Variants in SPOCK3 observed in about 807,000 individuals in gnomAD.
SPOCK3 encodes the protein testican-3.
A neutral mutation model predicts 56.6 loss-of-function variants in SPOCK3; 30 were observed. The ratio of observed to expected loss-of-function variants is 0.53; its 90% CI spans 0.40 to 0.72. The LOEUF (loss-of-function observed/expected upper bound fraction) is 0.72, where lower values mean the gene tolerates loss of function less well. Ranked by LOEUF, SPOCK3 falls within the 30% of genes least tolerant of loss-of-function variation. The probability of loss-of-function intolerance (pLI) is 0.00; values close to 1 mark genes in which losing one functional copy is unlikely to be tolerated. For synonymous variants in SPOCK3, 196 were observed against 183.3 expected (o/e 1.07, Z -0.56); for missense variants, 527 against 530.0 (o/e 0.99, Z 0.06).
chr4:167,116,552 A>G (rs1028482024), intron 2 of SPOCK3, among the ~76,000 whole-genome samples: 2 of 122,710 alleles, frequency 1.6e-5, no homozygotes, highest in Non-Finnish European at 3.4e-5. Context: ...AAGTATATAT[A>G]TGAGTATATA....
chr4:166,888,832 A>G (rs1214760589), intron 6 of SPOCK3, among the ~76,000 whole-genome samples: 1 of 151,990 alleles, frequency 6.6e-6, no homozygotes, highest in Non-Finnish European at 1.5e-5. Flanking sequence ...ATGATATAAA[A>G]CACATGTTTT....
rs1425550941 is a variant in SPOCK3 at position 166,785,572 on chromosome 4, TA to T, written c.709+6597del. 2.0e-5 allele frequency among the ~76,000 whole-genome samples: 3 copies of T among 152,334 alleles called. No homozygotes were observed. In the East Asian group the frequency reaches 5.8e-4, roughly 29 times the overall value. ...CTACTAAAAAGACTATATATTTCAT[TA>T]TATTTTAAATGTTAACTAATGCAAA... On this transcript the variant is annotated intron_variant, in intron 7 of 10. Coordinates refer to ENST00000357545, the MANE Select transcript of SPOCK3 (RefSeq NM_001040159.2).
chr4:166,940,805 C>G (rs1179028062), intron 4 of SPOCK3, among the ~76,000 whole-genome samples: 1 of 143,230 alleles, frequency 7.0e-6, no homozygotes, highest in African/African-American at 2.6e-5. Context: ...GCACTAGTTG[C>G]TACTACTAGT....
intron 6 of SPOCK3, among the ~76,000 whole-genome samples, chr4:166,887,094 C>T (rs921927348): frequency 5.3e-5 from 8 of 152,110 alleles, no homozygotes; most frequent in Non-Finnish European, 1.2e-4. Context: ...AATATACACA[C>T]TATACAGAAA....
At chr4:167,150,309 T>TA (rs1387941669) in intron 2 of SPOCK3, among the ~76,000 whole-genome samples, 6 of 152,258 alleles carry the variant, frequency 3.9e-5, no homozygotes, top group African/African-American at 1.4e-4. Context: ...GGTTTTTTTT[T>TA]AATGTAAAAA....
At chr4:167,118,080 C>G (rs1181022989) in intron 2 of SPOCK3, among the ~76,000 whole-genome samples, 1 of 152,132 alleles carries the variant, frequency 6.6e-6, no homozygotes, top group Non-Finnish European at 1.5e-5. Context: ...AACATATGAG[C>G]TCTGATCTCC....
chr4:167,223,149 AAT>A (rs998065225), intron 2 of SPOCK3, among the ~76,000 whole-genome samples: 2 of 120,936 alleles, frequency 1.7e-5, no homozygotes, highest in East Asian at 2.3e-4. Flanking sequence ...TTTATATATG[AAT>A]ATATATTTTA....
chr4:166,869,606 C>CTGTGTG (rs34623275), intron 6 of SPOCK3, among the ~76,000 whole-genome samples: 4,747 of 141,846 alleles, frequency 0.033, 89 homozygotes, highest in African/African-American at 0.044. Flanking sequence ...CAATAGAATT[C>CTGTGTG]TGTGTGTGTG....
intron 3 of SPOCK3, among the ~76,000 whole-genome samples, chr4:167,045,824 A>G (rs1234609563): frequency 2.6e-5 from 4 of 152,186 alleles, no homozygotes; most frequent in Non-Finnish European, 4.4e-5. Flanking sequence ...ATAATTTTGA[A>G]CAAACTACAA....
At chr4:167,110,679 GTAA>G (rs1760829059) in intron 2 of SPOCK3, among the ~76,000 whole-genome samples, 1 of 152,132 alleles carries the variant, frequency 6.6e-6, no homozygotes, top group African/African-American at 2.4e-5. Flanking sequence ...GAGTAAGGAA[GTAA>G]TAAACATTTT....
At chr4:166,824,722 A>T (rs1030380370) in intron 6 of SPOCK3, among the ~76,000 whole-genome samples, 2 of 152,130 alleles carry the variant, frequency 1.3e-5, no homozygotes, top group Non-Finnish European at 2.9e-5. Flanking sequence ...GAATAGAAAA[A>T]TAGAAAGAAT....
At chr4:167,184,968 G>A (rs1688554464) in intron 2 of SPOCK3, among the ~76,000 whole-genome samples, 1 of 152,170 alleles carries the variant, frequency 6.6e-6, no homozygotes, top group African/African-American at 2.4e-5. Context: ...AATATGTAAT[G>A]TAAAACCCCC....
At chr4:167,137,844 T>G (rs903054917) in intron 2 of SPOCK3, among the ~76,000 whole-genome samples, 8 of 151,892 alleles carry the variant, frequency 5.3e-5, no homozygotes, top group Non-Finnish European at 1.0e-4. Flanking sequence ...AAAAAAAATC[T>G]AATACATGTA....
chr4:166,816,470 A>G (rs767948618), intron 6 of SPOCK3, among the ~76,000 whole-genome samples: 1 of 152,050 alleles, frequency 6.6e-6, no homozygotes, highest in Non-Finnish European at 1.5e-5. Context: ...TTTCATTGCC[A>G]TCAAGTAGCA....
At chr4:166,735,357 A>G (rs1734118510) in intron 10 of SPOCK3, among the ~76,000 whole-genome samples, 1 of 152,070 alleles carries the variant, frequency 6.6e-6, no homozygotes, top group Non-Finnish European at 1.5e-5. Context: ...ATCTCATCCC[A>G]GTTGTTATAG....
intron 2 of SPOCK3, among the ~76,000 whole-genome samples, chr4:167,099,977 A>G (rs893900708): frequency 3.3e-5 from 5 of 152,112 alleles, no homozygotes; most frequent in Non-Finnish European, 7.4e-5. Flanking sequence ...CTGAGCTATC[A>G]CAATAACTAA....
intron 2 of SPOCK3, among the ~76,000 whole-genome samples, chr4:167,118,570 T>C (rs528576248): frequency 6.6e-6 from 1 of 152,190 alleles, no homozygotes; most frequent in Admixed American, 6.5e-5. Context: ...ATTGCTTATG[T>C]AGCATTTTCA....
intron 4 of SPOCK3, among the ~76,000 whole-genome samples, chr4:166,983,993 C>T (rs1186440689): frequency 6.6e-6 from 1 of 152,072 alleles, no homozygotes; most frequent in Non-Finnish European, 1.5e-5. Flanking sequence ...ACTTGTAATA[C>T]AGTGTGGCTT....
At chr4:167,221,825 C>CA (rs1009495021) in intron 2 of SPOCK3, among the ~76,000 whole-genome samples, 2 of 151,974 alleles carry the variant, frequency 1.3e-5, no homozygotes, top group African/African-American at 4.8e-5. Context: ...AGCAAGGGTG[C>CA]AAAAAAATTG....
Sources: allele counts gnomAD v4.1 joint callset (sites outside exome capture counted in the v4.1 genomes callset), GRCh38; gene constraint gnomAD v4.1.1; transcripts MANE v1.5; gene names NCBI Gene and HGNC (gene_info 2026-07-23, HGNC 2026-07-21).